The following OSTC variants were observed in gnomAD, a reference collection of about 807,000 sequenced individuals.
OSTC encodes oligosaccharyltransferase complex subunit OSTC.
In OSTC, 16 loss-of-function variants were observed where a neutral mutation model predicts 16.4. The ratio of observed to expected loss-of-function variants is 0.98; its 90% CI spans 0.66 to 1.49. OSTC has a LOEUF of 1.49. Ranked by LOEUF, OSTC falls within the 40% of genes most tolerant of loss-of-function variation. OSTC has a pLI of 0.00. For missense variants in OSTC, 139 were observed against 186.3 expected, an observed-to-expected ratio of 0.75 and a Z score of 1.48; for synonymous variants, 67 against 68.5, an observed-to-expected ratio of 0.98 and a Z score of 0.11.
At chr4:108,663,625 G>A (rs1369186284) in intron 3 of OSTC, among the ~76,000 whole-genome samples, 1 of 152,100 alleles carries the variant, frequency 6.6e-6, no homozygotes, top group African/African-American at 2.4e-5. Flanking sequence ...TTCTTTTCTG[G>A]CCTTGTGATT....
intron 3 of OSTC, among the ~76,000 whole-genome samples, chr4:108,659,225 C>T (rs1420134944): frequency 6.6e-6 from 1 of 150,536 alleles, no homozygotes; most frequent in Non-Finnish European, 1.5e-5. Flanking sequence ...CATGATCGAC[C>T]CGCCTCAGCC....
At chr4:108,661,001 G>A (rs892092641) in intron 3 of OSTC, among the ~76,000 whole-genome samples, 7 of 152,112 alleles carry the variant, frequency 4.6e-5, no homozygotes, top group Non-Finnish European at 1.0e-4. Context: ...CAGATCACTT[G>A]AGGTCAGGAG....
At chr4:108,666,616 CAGG>C (rs1227039836) in intron 3 of OSTC, among the ~76,000 whole-genome samples, 14 of 149,552 alleles carry the variant, frequency 9.4e-5, no homozygotes, top group Admixed American at 8.8e-4. Flanking sequence ...GAGGCTGAGG[CAGG>C]AGAATCGCTT....
At chr4:108,661,818 C>T (rs547473456) in intron 3 of OSTC, among the ~76,000 whole-genome samples, 1 of 152,202 alleles carries the variant, frequency 6.6e-6, no homozygotes, top group Non-Finnish European at 1.5e-5. Context: ...AGGCTGGTCT[C>T]GAACTCCTGA....
intron 2 of OSTC, among the ~76,000 whole-genome samples, chr4:108,656,916 G>A (rs1206961069): frequency 6.6e-6 from 1 of 152,020 alleles, no homozygotes; most frequent in Non-Finnish European, 1.5e-5. Flanking sequence ...TGGCTAACCC[G>A]GTGAAACCCT....
chr4:108,665,513 CAT>C lies in OSTC; in HGVS notation c.432-1733_432-1732del. ...CCCAGGCTGGAGCACGGGGTTTCAC[CAT>C]GTTAGCCAGGATGTTTTGTGTTTTG... On this transcript the variant is annotated intron_variant, in intron 3 of 3. Transcript: ENST00000361564. Among the ~76,000 whole-genome samples, 3 of 108,740 alleles carry C rather than the reference CAT, an allele frequency of 2.8e-5. No homozygotes were observed. The East Asian group carries it at 8.9e-4, about 32-fold the overall frequency. The allele number at this position is 108,740 out of a possible 152,430, so 71.3% of individuals were successfully genotyped here.
chr4:108,667,167 G>A lies in OSTC; in HGVS notation c.432-80G>A, dbSNP rs573830106. The A allele has an allele frequency of 2.2e-3, 2,555 of 1,180,756 alleles. 4 individuals carry two copies. Among genetic ancestry groups the A allele is most frequent in the Middle Eastern group, 3.3e-3 (16 of 4,916 alleles). The allele number at this position is 1,180,756 out of a possible 1,614,324, so 73.1% of individuals were successfully genotyped here. A position where few individuals can be genotyped will look rare whatever the true frequency, so the allele number is the denominator to read the frequency against. ...TTGATATATCATAAAATTTGTTTTG[G>A]CATTTTGAAATACTATGATAATAAG... On this transcript the variant is annotated intron_variant, in intron 3 of 3. Coordinates refer to ENST00000361564, the MANE Select transcript of OSTC (RefSeq NM_021227.4).
intron 1 of OSTC, among the ~76,000 whole-genome samples, chr4:108,653,330 G>C (rs1357913059): frequency 6.6e-6 from 1 of 152,208 alleles, no homozygotes; most frequent in African/African-American, 2.4e-5. Context: ...ATCTGGATTG[G>C]ATTCGATATG....
chr4:108,664,733 A>G (rs1356311537), intron 3 of OSTC, among the ~76,000 whole-genome samples: 2 of 151,834 alleles, frequency 1.3e-5, no homozygotes, highest in African/African-American at 2.4e-5. Context: ...AGCTGGGACT[A>G]CAGGCATGCA....
chr4:108,653,858 T>C (rs997552421), intron 1 of OSTC, among the ~76,000 whole-genome samples: 8 of 152,204 alleles, frequency 5.3e-5, no homozygotes, highest in African/African-American at 1.4e-4. Context: ...CATGTAATTC[T>C]AATGGTACTG....
At chr4:108,656,515 C>T (rs1022056359) in intron 2 of OSTC, among the ~76,000 whole-genome samples, 4 of 150,298 alleles carry the variant, frequency 2.7e-5, no homozygotes, top group African/African-American at 7.3e-5. Context: ...ATCCCTTTAA[C>T]GAGAAATTTT....
At chr4:108,663,054 T>TA (rs1333709173) in intron 3 of OSTC, among the ~76,000 whole-genome samples, 3 of 152,318 alleles carry the variant, frequency 2.0e-5, no homozygotes, top group East Asian at 3.9e-4. Context: ...CTTGGGGAGT[T>TA]ACAGTTGTCA....
chr4:108,657,917 C>CTTTTTTTTTTTTTTTTTTTTTTTTTT lies in OSTC; in HGVS notation c.431+275_431+300dup. On this transcript the variant is annotated intron_variant, in intron 3 of 3. Coordinates refer to ENST00000361564, the MANE Select transcript of OSTC (RefSeq NM_021227.4). ...CAATGACTGAAGATAGTCATTGTTT[C>CTTTTTTTTTTTTTTTTTTTTTTTTTT]TTTTTTTTTTTTTTTTTTTTTTTTT... Among the ~76,000 whole-genome samples, 2 of 67,142 alleles carry CTTTTTTTTTTTTTTTTTTTTTTTTTT rather than the reference C, an allele frequency of 3.0e-5. 1 individual carries two copies. The allele number at this position is 67,142 out of a possible 152,430, so 44.0% of individuals were successfully genotyped here.
intron 3 of OSTC, among the ~76,000 whole-genome samples, chr4:108,665,533 G>GTTTTGTTT (rs33968685): frequency 0.53 from 66,280 of 125,570 alleles, 16,481 homozygotes; most frequent in South Asian, 0.63. Context: ...AGGATGTTTT[G>GTTTTGTTT]TGTTTTGTTT....
At chr4:108,655,954 T>A (rs1726688550) in intron 2 of OSTC, among the ~76,000 whole-genome samples, 1 of 152,202 alleles carries the variant, frequency 6.6e-6, no homozygotes, top group Non-Finnish European at 1.5e-5. Context: ...TTTTTTTTCT[T>A]TTCCCCAAAA....
chr4:108,660,614 A>T (rs929272339), intron 3 of OSTC, among the ~76,000 whole-genome samples: 2 of 152,200 alleles, frequency 1.3e-5, no homozygotes, highest in African/African-American at 4.8e-5. Context: ...AATAAAAAAG[A>T]TGTCAAAAAA....
In OSTC at chr4:108,652,282, A is replaced by C. The variant is rs895736965; in HGVS notation, c.139+1488A>C. ...GCACAGTTCACGAAGGTCGTTGGACAAAAAAAAAGTCATTATTCAATAATA... is the reference window on the plus strand; with the variant it reads ...GCACAGTTCACGAAGGTCGTTGGACCAAAAAAAAGTCATTATTCAATAATA... On this transcript the variant is annotated intron_variant, in intron 1 of 3. Transcript: ENST00000361564. The C allele has an allele frequency of 1.5e-4, 22 of 151,464 alleles. 1 individual carries two copies. The highest frequency in any genetic ancestry group is 6.6e-5 in the Admixed American group (1 of 15,190). 9.4% of individuals were successfully genotyped at this position (151,464 alleles called of 1,614,324 possible).
chr4:108,663,309 A>G, intron 3 of OSTC: 1 of 430,992 alleles, frequency 2.3e-6, no homozygotes, highest in Non-Finnish European at 4.6e-6. Flanking sequence ...CCTCCCAGGT[A>G]CATACCATTC....
chr4:108,655,253 G>A (rs1448875395), intron 1 of OSTC, among the ~76,000 whole-genome samples: 1 of 152,138 alleles, frequency 6.6e-6, no homozygotes, highest in Non-Finnish European at 1.5e-5. Context: ...ATCACCTGAG[G>A]TCAGGAGTTC....
Sources: gnomAD v4.1 joint callset for allele counts (sites outside exome capture counted in the v4.1 genomes callset) on GRCh38, gnomAD v4.1.1 for gene constraint, MANE v1.5 for transcripts, NCBI Gene and HGNC (gene_info 2026-07-23, HGNC 2026-07-21) for gene names.